The following NAV2 variants were observed in gnomAD, a reference collection of about 807,000 sequenced individuals.
The protein encoded by NAV2 is neuron navigator 2, also known as helicase, APC down-regulated 1.
NAV2 carries 54 observed loss-of-function variants against 223.2 expected under a neutral mutation model. That is an observed-to-expected ratio of 0.24 (90% CI 0.19 to 0.30). The LOEUF (loss-of-function observed/expected upper bound fraction) is 0.30, where lower values mean the gene tolerates loss of function less well. Ranked by LOEUF, NAV2 falls within the 10% of genes least tolerant of loss-of-function variation. The pLI, the probability that NAV2 is intolerant of heterozygous loss-of-function variation, is 1.00. For synonymous variants in NAV2, 1,279 were observed against 1,239.3 expected (o/e 1.03, Z -0.67); for missense variants, 2,806 against 3,147.5 (o/e 0.89, Z 2.60).
intron 1 of NAV2, among the ~76,000 whole-genome samples, chr11:19,419,493 C>T (rs2702742): frequency 0.73 from 111,042 of 152,154 alleles, 40,694 homozygotes; most frequent in African/African-American, 0.79. Context: ...TCCCTTTCTG[C>T]GCTTTGCTTG....
chr11:19,491,087 A>G (rs1242216524), intron 1 of NAV2, among the ~76,000 whole-genome samples: 2 of 152,084 alleles, frequency 1.3e-5, no homozygotes, highest in African/African-American at 2.4e-5. Context: ...CATGCTGTAA[A>G]TGAATGGGGT....
intron 10 of NAV2, among the ~76,000 whole-genome samples, chr11:19,958,506 G>T (rs570355626): frequency 6.6e-6 from 1 of 152,270 alleles, no homozygotes; most frequent in African/African-American, 2.4e-5. Flanking sequence ...AAAAGTGTGG[G>T]CTGTGGAGTT....
chr11:19,516,388 G>A (rs1310025373), intron 1 of NAV2, among the ~76,000 whole-genome samples: 3 of 152,146 alleles, frequency 2.0e-5, no homozygotes, highest in African/African-American at 4.8e-5. Context: ...TAACAACACC[G>A]TGGGCGGGAA....
intron 1 of NAV2, among the ~76,000 whole-genome samples, chr11:19,429,179 G>A (rs1052985688): frequency 6.6e-6 from 1 of 152,220 alleles, no homozygotes; most frequent in East Asian, 1.9e-4. Flanking sequence ...GTCCAGAGGT[G>A]GTGGTTTCCA....
chr11:19,732,259 A>G (rs1305555004), intron 1 of NAV2, among the ~76,000 whole-genome samples: 1 of 142,574 alleles, frequency 7.0e-6, no homozygotes, highest in African/African-American at 2.8e-5. Flanking sequence ...ACTCCGTCTC[A>G]AGAAAAAAAA....
chr11:19,887,783 C>A (rs1187260592), intron 5 of NAV2, among the ~76,000 whole-genome samples: 1 of 151,958 alleles, frequency 6.6e-6, no homozygotes, highest in Non-Finnish European at 1.5e-5. Context: ...AAAGCAGATG[C>A]CATGGAAATG....
chr11:19,585,996 C>G (rs987704530), intron 1 of NAV2, among the ~76,000 whole-genome samples: 5 of 152,228 alleles, frequency 3.3e-5, no homozygotes, highest in Admixed American at 3.3e-4. Flanking sequence ...GTTCCATTCT[C>G]TCCGTCAGTT....
chr11:19,812,619 T>C (rs2058889678), intron 1 of NAV2, among the ~76,000 whole-genome samples: 1 of 152,024 alleles, frequency 6.6e-6, no homozygotes, highest in Admixed American at 6.6e-5. Flanking sequence ...CTAAGATGCC[T>C]TGGTAGTGTA....
At chr11:19,588,198 T>C (rs569627847) in intron 1 of NAV2, among the ~76,000 whole-genome samples, 81 of 152,322 alleles carry the variant, frequency 5.3e-4, no homozygotes, top group African/African-American at 1.9e-3. Flanking sequence ...GACCCCAGAG[T>C]CCACTGGTTA....
rs542133509 is a variant in NAV2, at chr11:20,111,727, G to A, written c.6961-2865G>A. Among the ~76,000 whole-genome samples, 7 of 152,222 alleles carry A rather than the reference G, an allele frequency of 4.6e-5. No homozygotes were observed. In the South Asian group the frequency reaches 1.4e-3, roughly 31 times the overall value. On this transcript the variant is annotated intron_variant, in intron 36 of 37. Transcript: ENST00000349880. ...GTGGGGCCATTTATCGGATTATCCA[G>A]CCTGCTCTGAGACCCCAGACAGGTC...
chr11:20,096,623 C>G (rs2061288953), intron 30 of NAV2, among the ~76,000 whole-genome samples: 1 of 152,196 alleles, frequency 6.6e-6, no homozygotes, highest in Admixed American at 6.5e-5. Flanking sequence ...CAAAACCTAA[C>G]TTAACTATTA....
At chr11:19,854,995 GCTT>G (rs1193748128) in intron 3 of NAV2, among the ~76,000 whole-genome samples, 1 of 152,086 alleles carries the variant, frequency 6.6e-6, no homozygotes, top group Non-Finnish European at 1.5e-5. Context: ...TTTGTATAGG[GCTT>G]CATAGCTTAC....
At chr11:19,739,212 C>G (rs1416066041) in intron 1 of NAV2, among the ~76,000 whole-genome samples, 4 of 152,130 alleles carry the variant, frequency 2.6e-5, no homozygotes, top group African/African-American at 9.7e-5. Flanking sequence ...ATAGACAACT[C>G]TTACACACTT....
chr11:19,589,081 G>A (rs1053112610), intron 1 of NAV2, among the ~76,000 whole-genome samples: 2 of 152,184 alleles, frequency 1.3e-5, no homozygotes, highest in Admixed American at 1.3e-4. Context: ...GTTCCTGGGT[G>A]TCCAGAGACA....
At chr11:19,855,944 GCT>G (rs2061388707) in intron 3 of NAV2, among the ~76,000 whole-genome samples, 1 of 152,186 alleles carries the variant, frequency 6.6e-6, no homozygotes, top group Non-Finnish European at 1.5e-5. Flanking sequence ...ATTATCAAGT[GCT>G]CTCTCTTTAT....
chr11:19,666,408 T>A (rs991533341), intron 1 of NAV2, among the ~76,000 whole-genome samples: 2 of 152,100 alleles, frequency 1.3e-5, no homozygotes, highest in Admixed American at 6.5e-5. Context: ...CAGCCAGGTG[T>A]TCTTGGTAAC....
rs967295310 is a variant in NAV2, at chr11:19,437,097, G to A, written c.75+86070G>A. Among the ~76,000 whole-genome samples the A allele has an allele frequency of 3.3e-5, 5 of 152,144 alleles. No homozygotes were observed. The East Asian group carries it at 9.6e-4, about 29-fold the overall frequency. On this transcript the variant is annotated intron_variant, in intron 1 of 37. Transcript: ENST00000360655. ...TTTCTTGCCTAATTACTAAAATGAG[G>A]TAGGCAAGACTGTGAAAGCAGCAGT...
At chr11:19,806,912 T>G (rs942136658) in intron 1 of NAV2, among the ~76,000 whole-genome samples, 1 of 152,210 alleles carries the variant, frequency 6.6e-6, no homozygotes, top group Admixed American at 6.5e-5. Flanking sequence ...TAACCCTGCC[T>G]GGGCATCAGA....
intron 6 of NAV2, among the ~76,000 whole-genome samples, chr11:19,916,222 A>G (rs1177430236): frequency 6.6e-6 from 1 of 152,258 alleles, no homozygotes; most frequent in Admixed American, 6.5e-5. Context: ...AACATCCACC[A>G]TTTAACTGGA....
Sources: allele counts gnomAD v4.1 joint callset (sites outside exome capture counted in the v4.1 genomes callset), GRCh38; gene constraint gnomAD v4.1.1; transcripts MANE v1.5; gene names NCBI Gene and HGNC (gene_info 2026-07-23, HGNC 2026-07-21).